The following LHFPL3 variants were observed in gnomAD, a reference collection of about 807,000 sequenced individuals.
LHFPL3 encodes the protein LHFPL tetraspan subfamily member 3.
A neutral mutation model predicts 19.3 loss-of-function variants in LHFPL3; 5 were observed. That is an observed-to-expected ratio of 0.26 (90% CI 0.14 to 0.54). LHFPL3 has a LOEUF of 0.54. Among genes scored for constraint, LHFPL3 ranks in the 20% least tolerant of loss-of-function variants. The pLI is 0.94. For synonymous variants in LHFPL3, 133 were observed against 126.2 expected, an observed-to-expected ratio of 1.05 and a Z score of -0.36; for missense variants, 249 against 307.4, an observed-to-expected ratio of 0.81 and a Z score of 1.42.
At chr7:104,514,118 A>C (rs1490605181) in intron 1 of LHFPL3, among the ~76,000 whole-genome samples, 1 of 152,146 alleles carries the variant, frequency 6.6e-6, no homozygotes, top group Non-Finnish European at 1.5e-5. Context: ...CCTGAAACAC[A>C]TTCCATGTTT....
intron 2 of LHFPL3, among the ~76,000 whole-genome samples, chr7:104,848,786 G>A (rs960883605): frequency 6.6e-6 from 1 of 152,184 alleles, no homozygotes; most frequent in Non-Finnish European, 1.5e-5. Flanking sequence ...TATGGCCTGA[G>A]ATCCTAAAAT....
chr7:104,772,080 A>C (rs1263054607), intron 2 of LHFPL3, among the ~76,000 whole-genome samples: 2 of 151,852 alleles, frequency 1.3e-5, no homozygotes, highest in African/African-American at 4.8e-5. Flanking sequence ...GGCCTCCCAA[A>C]GTGCTGGGAT....
At chr7:104,727,848 G>A (rs1793619559) in intron 1 of LHFPL3, among the ~76,000 whole-genome samples, 1 of 152,120 alleles carries the variant, frequency 6.6e-6, no homozygotes, top group Non-Finnish European at 1.5e-5. Context: ...GTACCTTTCT[G>A]TTCTTTAATG....
At chr7:104,540,376 G>A (rs1381204902) in intron 1 of LHFPL3, among the ~76,000 whole-genome samples, 1 of 152,144 alleles carries the variant, frequency 6.6e-6, no homozygotes, top group Non-Finnish European at 1.5e-5. Context: ...ATTTGGCAAT[G>A]AGTGAAAATA....
rs889856502 is a variant in LHFPL3 at position 104,609,278 on chromosome 7, GA to G, written c.446-127388del. On this transcript the variant is annotated intron_variant, in intron 1 of 2. Coordinates refer to ENST00000424859, the MANE Select transcript of LHFPL3 (RefSeq NM_199000.3). ...AGATGCTGTCAAAAAAAAAAGAAAA[GA>G]AAAAAAAAGTTAGCCACAGTTAGTT... Among the ~76,000 whole-genome samples the G allele has an allele frequency of 5.3e-5, 8 of 150,286 alleles. No individual in the cohort carries two copies. In the South Asian group the frequency reaches 6.4e-4, roughly 12 times the overall value.
chr7:104,719,846 T>C (rs1176099807), intron 1 of LHFPL3, among the ~76,000 whole-genome samples: 1 of 152,200 alleles, frequency 6.6e-6, no homozygotes, highest in Non-Finnish European at 1.5e-5. Flanking sequence ...TTCTGCCATT[T>C]GTGGACCGTG....
In LHFPL3 at chr7:104,442,669, T is replaced by C. The variant is rs546516888; in HGVS notation, c.445+113445T>C. 2.0e-5 allele frequency among the ~76,000 whole-genome samples: 3 copies of C among 152,332 alleles called. No individual in the cohort carries two copies. The South Asian group carries it at 6.2e-4, about 32-fold the overall frequency. On this transcript the variant is annotated intron_variant, in intron 1 of 2. Coordinates refer to ENST00000424859, the MANE Select transcript of LHFPL3 (RefSeq NM_199000.3). ...AGATGGTTCTGCAGGCTGGGTGCCATCTGACCAGGCAATGTTTAGTTAGAT... is the reference window on the plus strand; with the variant it reads ...AGATGGTTCTGCAGGCTGGGTGCCACCTGACCAGGCAATGTTTAGTTAGAT...
intron 2 of LHFPL3, among the ~76,000 whole-genome samples, chr7:104,762,870 G>A (rs984452263): frequency 6.6e-5 from 10 of 152,046 alleles, no homozygotes; most frequent in African/African-American, 1.7e-4. Flanking sequence ...AAGACCCCAC[G>A]CAAGCCTGGC....
chr7:104,631,227 G>A (rs1360608022), intron 1 of LHFPL3, among the ~76,000 whole-genome samples: 1 of 152,136 alleles, frequency 6.6e-6, no homozygotes, highest in African/African-American at 2.4e-5. Flanking sequence ...TTGCAGCTGA[G>A]GTAATAAATT....
intron 2 of LHFPL3, among the ~76,000 whole-genome samples, chr7:104,866,285 T>G (rs1306935392): frequency 2.0e-5 from 3 of 152,152 alleles, no homozygotes; most frequent in Non-Finnish European, 4.4e-5. Flanking sequence ...ACTGACAAAT[T>G]GGATAAAGAG....
chr7:104,567,126 T>C (rs1240789184), intron 1 of LHFPL3, among the ~76,000 whole-genome samples: 2 of 152,262 alleles, frequency 1.3e-5, no homozygotes, highest in Non-Finnish European at 2.9e-5. Flanking sequence ...TAGATGGTAC[T>C]GTCTTTCACT....
intron 1 of LHFPL3, among the ~76,000 whole-genome samples, chr7:104,387,404 C>G (rs757516912): frequency 1.3e-5 from 2 of 151,752 alleles, no homozygotes; most frequent in African/African-American, 2.4e-5. Context: ...AAGAAAAGTA[C>G]AATAACTGAA....
At chr7:104,605,779 G>A (rs756519748) in intron 1 of LHFPL3, among the ~76,000 whole-genome samples, 4 of 151,520 alleles carry the variant, frequency 2.6e-5, no homozygotes, top group African/African-American at 4.9e-5. Flanking sequence ...CACTGTTGAT[G>A]CAACTGCAGG....
rs748597414 is a variant in LHFPL3 at position 104,518,850 on chromosome 7, A to AG, written c.445+189626_445+189627insG. 3.3e-3 allele frequency among the ~76,000 whole-genome samples: 462 copies of AG among 140,058 alleles called. 2 individuals carry two copies. Among genetic ancestry groups the AG allele is most frequent in the African/African-American group, 8.6e-3 (325 of 37,892 alleles). 91.9% of individuals were successfully genotyped at this position (140,058 alleles called of 152,430 possible). On this transcript the variant is annotated intron_variant, in intron 1 of 2. Transcript: ENST00000424859. ...AGATAGATAGATAGATAGATAGAAT[A>AG]AATAAAAAAACTGTGATGCAAGAGC...
chr7:104,491,130 A>G (rs1368662832), intron 1 of LHFPL3, among the ~76,000 whole-genome samples: 1 of 143,994 alleles, frequency 6.9e-6, no homozygotes, highest in Non-Finnish European at 1.6e-5. Context: ...CTGGAAGACA[A>G]CTTAGGGTTG....
intron 1 of LHFPL3, among the ~76,000 whole-genome samples, chr7:104,373,635 A>G (rs954172718): frequency 4.6e-5 from 7 of 152,008 alleles, no homozygotes; most frequent in Non-Finnish European, 1.0e-4. Context: ...ACAGTCAAAT[A>G]CATTTAAGAA....
chr7:104,690,933 G>A (rs750094528), intron 1 of LHFPL3, among the ~76,000 whole-genome samples: 5 of 152,242 alleles, frequency 3.3e-5, no homozygotes, highest in Non-Finnish European at 7.3e-5. Flanking sequence ...TGAGGTGTCA[G>A]TGGCAGATGG....
chr7:104,398,442 T>G (rs1264145668), intron 1 of LHFPL3, among the ~76,000 whole-genome samples: 1 of 152,352 alleles, frequency 6.6e-6, no homozygotes, highest in East Asian at 1.9e-4. Flanking sequence ...TCATGTTGTT[T>G]GTGGATTGCC....
intron 1 of LHFPL3, among the ~76,000 whole-genome samples, chr7:104,644,535 C>T (rs1303762084): frequency 6.6e-6 from 1 of 152,184 alleles, no homozygotes; most frequent in East Asian, 1.9e-4. Flanking sequence ...TGTCCTAAGA[C>T]TCAGTTAGGA....
Sources: gnomAD v4.1 joint callset for allele counts (sites outside exome capture counted in the v4.1 genomes callset) on GRCh38, gnomAD v4.1.1 for gene constraint, MANE v1.5 for transcripts, NCBI Gene and HGNC (gene_info 2026-07-23, HGNC 2026-07-21) for gene names.